Variants in KIAA1958 observed in about 807,000 individuals in gnomAD.
KIAA1958 encodes uncharacterized protein KIAA1958.
KIAA1958 carries 14 observed loss-of-function variants against 47.2 expected under a neutral mutation model. The ratio of observed to expected loss-of-function variants is 0.30; its 90% CI spans 0.20 to 0.46. The LOEUF (loss-of-function observed/expected upper bound fraction) is 0.46. KIAA1958 is among the 20% of genes least tolerant of loss of function. The probability of loss-of-function intolerance (pLI) is 1.00; values close to 1 mark genes in which losing one functional copy is unlikely to be tolerated. For missense variants in KIAA1958, 803 were observed against 909.2 expected (o/e 0.88, Z 1.50); for synonymous variants, 354 against 353.3 (o/e 1.00, Z -0.02).
chr9:112,640,146 GAAGA>G (rs1028734234), intron 2 of KIAA1958, among the ~76,000 whole-genome samples: 6 of 152,248 alleles, frequency 3.9e-5, no homozygotes, highest in Admixed American at 3.9e-4. Context: ...GAAAACTTTT[GAAGA>G]TGTTATCTTC....
intron 2 of KIAA1958, among the ~76,000 whole-genome samples, chr9:112,633,205 C>T (rs1313167591): frequency 1.8e-4 from 26 of 140,752 alleles, no homozygotes; most frequent in Admixed American, 1.4e-3. Context: ...TGTTATGATA[C>T]TTTTTTTTTT....
intron 3 of KIAA1958, among the ~76,000 whole-genome samples, chr9:112,655,241 A>C (rs1837129263): frequency 6.6e-6 from 1 of 152,180 alleles, no homozygotes; most frequent in Non-Finnish European, 1.5e-5. Context: ...TAATGTGTGA[A>C]TGTCAATTAT....
At position 112,662,885 on chromosome 9, in the gene KIAA1958, C is replaced by A. The variant is rs868754839; in HGVS notation, c.*2816C>A. On this transcript the variant is annotated 3_prime_UTR_variant, in exon 4 of 4. Coordinates refer to ENST00000337530, the MANE Select transcript of KIAA1958 (RefSeq NM_133465.4). ...TTAAGGGGGCCAGAGTAGCAGTCCT[C>A]GTTGGCGTTCTAAGGCAGTTGTTCT... 1 of 152,298 alleles carries A rather than the reference C, an allele frequency of 6.6e-6. No homozygotes were observed. The highest frequency in any genetic ancestry group is 2.4e-5 in the African/African-American group (1 of 41,462). 9.4% of individuals were successfully genotyped at this position (152,298 alleles called of 1,614,324 possible). A position where few individuals can be genotyped will look rare whatever the true frequency, so the allele number is the denominator to read the frequency against.
Position 112,654,955 on chromosome 9 carries a change from T to G in KIAA1958, c.1345-4308T>G, listed in dbSNP as rs116798220. 2.4e-3 allele frequency among the ~76,000 whole-genome samples: 358 copies of G among 152,338 alleles called. 3 individuals are homozygous for G. Among genetic ancestry groups the G allele is most frequent in the African/African-American group, 8.3e-3 (346 of 41,576 alleles). On this transcript the variant is annotated intron_variant, in intron 3 of 3. Coordinates refer to ENST00000337530, the MANE Select transcript of KIAA1958 (RefSeq NM_133465.4). ...ATGTGTGTGTATATATAAATTCTTT[T>G]TCTTGTCTTATCTGGTTGGTGAGAA...
At chr9:112,514,448 T>TG (rs1179371557) in intron 1 of KIAA1958, among the ~76,000 whole-genome samples, 1 of 25,454 alleles carries the variant, frequency 3.9e-5, no homozygotes, top group African/African-American at 1.7e-4. Flanking sequence ...GGGAGGGAGG[T>TG]GGGGGGGTCA....
intron 1 of KIAA1958, among the ~76,000 whole-genome samples, chr9:112,568,698 G>A (rs1835472055): frequency 6.6e-6 from 1 of 151,600 alleles, no homozygotes; most frequent in Non-Finnish European, 1.5e-5. Context: ...GGACAACATG[G>A]CAAAACCCCA....
chr9:112,509,708 A>G (rs1252319227), intron 1 of KIAA1958, among the ~76,000 whole-genome samples: 1 of 152,248 alleles, frequency 6.6e-6, no homozygotes, highest in Non-Finnish European at 1.5e-5. Context: ...GAATAAGATG[A>G]AAGTTTGAAG....
intron 2 of KIAA1958, among the ~76,000 whole-genome samples, chr9:112,642,542 G>A (rs1836908806): frequency 6.6e-6 from 1 of 152,180 alleles, no homozygotes; most frequent in South Asian, 2.1e-4. Context: ...GCTGGTGGTA[G>A]ATGATGTAAG....
chr9:112,625,746 A>G (rs894030673), intron 2 of KIAA1958, among the ~76,000 whole-genome samples: 1 of 152,170 alleles, frequency 6.6e-6, no homozygotes, highest in East Asian at 1.9e-4. Context: ...TTCACTTTTC[A>G]TTGTGTTGTG....
chr9:112,587,718 A>G (rs1213314889), intron 2 of KIAA1958, among the ~76,000 whole-genome samples: 1 of 152,134 alleles, frequency 6.6e-6, no homozygotes, highest in Non-Finnish European at 1.5e-5. Flanking sequence ...TATTTTTGTC[A>G]TGGTAATACA....
intron 1 of KIAA1958, among the ~76,000 whole-genome samples, chr9:112,539,470 G>C (rs1588008327): frequency 6.6e-6 from 1 of 152,238 alleles, no homozygotes; most frequent in Middle Eastern, 3.4e-3. Flanking sequence ...GGGTAGCATA[G>C]ACCAGTCTGT....
intron 1 of KIAA1958, among the ~76,000 whole-genome samples, chr9:112,513,354 G>A (rs1025771050): frequency 6.8e-6 from 1 of 147,866 alleles, no homozygotes; most frequent in South Asian, 2.2e-4. Context: ...AGGCCAGATT[G>A]GGAAGACTTT....
At chr9:112,654,010 G>A (rs1837107263) in intron 3 of KIAA1958, among the ~76,000 whole-genome samples, 1 of 152,152 alleles carries the variant, frequency 6.6e-6, no homozygotes, top group South Asian at 2.1e-4. Flanking sequence ...AAGTCACGTG[G>A]CTAGCCCAGA....
At chr9:112,612,186 T>C (rs1045130041) in intron 2 of KIAA1958, among the ~76,000 whole-genome samples, 1 of 152,060 alleles carries the variant, frequency 6.6e-6, no homozygotes, top group African/African-American at 2.4e-5. Context: ...GGTGGAAGAA[T>C]TGCTTGAGTG....
At position 112,666,788 on chromosome 9, in the gene KIAA1958, G is replaced by C. The variant is rs1387155937; in HGVS notation, c.*6719G>C. 6.6e-6 allele frequency: 1 copy of C among 152,154 alleles called. No individual in the cohort carries two copies. The highest frequency in any genetic ancestry group is 1.5e-5 in the Non-Finnish European group (1 of 68,028). The allele number at this position is 152,154 out of a possible 1,614,324, so 9.4% of individuals were successfully genotyped here. ...CCAATCATGCCTGTCACCTTACTCG[G>C]AGTCAGAGCTCCTGAGCCAGAGAAA... On this transcript the variant is annotated 3_prime_UTR_variant, in exon 4 of 4. Transcript: ENST00000337530.
chr9:112,666,024 G>A lies in KIAA1958; in HGVS notation c.*5955G>A, dbSNP rs541910414. On this transcript the variant is annotated 3_prime_UTR_variant, in exon 4 of 4. Coordinates refer to ENST00000337530, the MANE Select transcript of KIAA1958 (RefSeq NM_133465.4). ...TTTTGAGACTCAGGAGTCTCACTCT[G>A]TTGCCCAGGCTGGAGTGCAGTGGTG... 2.7e-5 allele frequency: 4 copies of A among 149,856 alleles called. No individual in the cohort carries two copies. The highest frequency in any genetic ancestry group is 7.4e-5 in the African/African-American group (3 of 40,560). The allele number at this position is 149,856 out of a possible 1,614,324, so 9.3% of individuals were successfully genotyped here. A position where few individuals can be genotyped will look rare whatever the true frequency, so the allele number is the denominator to read the frequency against.
At chr9:112,590,413 G>A (rs1323017471) in intron 2 of KIAA1958, among the ~76,000 whole-genome samples, 11 of 149,352 alleles carry the variant, frequency 7.4e-5, no homozygotes, top group African/African-American at 1.7e-4. Flanking sequence ...GTGCAATGGC[G>A]CGATCTCCGC....
At chr9:112,601,265 C>A (rs1381638735) in intron 2 of KIAA1958, among the ~76,000 whole-genome samples, 1 of 152,090 alleles carries the variant, frequency 6.6e-6, no homozygotes, top group Non-Finnish European at 1.5e-5. Flanking sequence ...ACCAGTCAGT[C>A]CAGCATGATT....
chr9:112,543,362 A>G (rs1185552964), intron 1 of KIAA1958, among the ~76,000 whole-genome samples: 1 of 152,162 alleles, frequency 6.6e-6, no homozygotes, highest in African/African-American at 2.4e-5. Context: ...AGAAGTAACC[A>G]TCAACTTCAC....
Sources: allele counts gnomAD v4.1 joint callset (sites outside exome capture counted in the v4.1 genomes callset), GRCh38; gene constraint gnomAD v4.1.1; transcripts MANE v1.5; gene names NCBI Gene and HGNC (gene_info 2026-07-23, HGNC 2026-07-21).